Variants in PIAS1 observed in about 807,000 individuals in gnomAD.
The protein encoded by PIAS1 is E3 SUMO-protein ligase PIAS1.
In PIAS1, 6 loss-of-function variants were observed where a neutral mutation model predicts 71.3. That is an observed-to-expected ratio of 0.08 (90% CI 0.05 to 0.17). The LOEUF (loss-of-function observed/expected upper bound fraction) is 0.17. PIAS1 is among the 10% of genes least tolerant of loss of function. The probability of loss-of-function intolerance (pLI) is 1.00; values close to 1 mark genes in which losing one functional copy is unlikely to be tolerated. For missense variants in PIAS1, 555 were observed against 793.6 expected, an observed-to-expected ratio of 0.70 and a Z score of 3.61; for synonymous variants, 303 against 292.9, an observed-to-expected ratio of 1.03 and a Z score of -0.35.
chr15:68,148,575 C>T (rs972874734), intron 6 of PIAS1, among the ~76,000 whole-genome samples: 57 of 151,970 alleles, frequency 3.8e-4, no homozygotes, highest in African/African-American at 1.2e-3. Flanking sequence ...ATTACAGGCA[C>T]CTGCCACTGC....
chr15:68,104,676 C>T (rs2092455065), intron 2 of PIAS1, among the ~76,000 whole-genome samples: 1 of 152,000 alleles, frequency 6.6e-6, no homozygotes, highest in East Asian at 1.9e-4. Context: ...TTCAAAATAG[C>T]CAGAAGAGAA....
At chr15:68,159,869 T>A (rs940789639) in intron 7 of PIAS1, among the ~76,000 whole-genome samples, 1 of 152,304 alleles carries the variant, frequency 6.6e-6, no homozygotes. Context: ...CTGGGTCATA[T>A]GATAAGTATA....
At chr15:68,069,598 C>A (rs553583526) in intron 1 of PIAS1, among the ~76,000 whole-genome samples, 1 of 152,064 alleles carries the variant, frequency 6.6e-6, no homozygotes, top group East Asian at 1.9e-4. Context: ...GTCAGGAGAT[C>A]GAGACCATCC....
At chr15:68,131,044 C>T (rs2092684915) in intron 2 of PIAS1, among the ~76,000 whole-genome samples, 1 of 152,012 alleles carries the variant, frequency 6.6e-6, no homozygotes. Context: ...GACAGTGTGC[C>T]CAAGGTCACA....
chr15:68,098,778 T>C (rs1260835382), intron 2 of PIAS1, among the ~76,000 whole-genome samples: 2 of 152,190 alleles, frequency 1.3e-5, no homozygotes, highest in Non-Finnish European at 2.9e-5. Context: ...TTATTAAATA[T>C]TCCCCTGTTG....
At position 68,188,918 on chromosome 15, in the gene PIAS1, G is replaced by C. The variant is rs1332527607; in HGVS notation, c.*1083G>C. 1 of 152,174 alleles carries C rather than the reference G, an allele frequency of 6.6e-6. No individual in the cohort carries two copies. Among genetic ancestry groups the C allele is most frequent in the Admixed American group, 6.5e-5 (1 of 15,280 alleles). 9.4% of individuals were successfully genotyped at this position (152,174 alleles called of 1,614,324 possible). On this transcript the variant is annotated 3_prime_UTR_variant, in exon 14 of 14. Transcript: ENST00000249636. ...CCTAAAAAAGAAAGATACACGGTCA[G>C]TTATCCTAAAAATAAATTGTTTGGA... is the stretch of plus-strand genomic sequence containing the variant.
chr15:68,187,538 C>A lies in PIAS1; in HGVS notation c.1663-4C>A. On this transcript the variant is annotated splice_region_variant and splice_polypyrimidine_tract_variant and intron_variant, in intron 13 of 13. Transcript: ENST00000249636. The surrounding 1 kb of genome is among the most constrained non-coding windows in gnomAD (Gnocchi z 5.3). ...TTTTTGTGTCTTTTGTTTCCCCTCC[C>A]TAGCATTACAACACCTCCTTGCTTG... The A allele has an allele frequency of 1.2e-6, 2 of 1,611,596 alleles. No homozygotes were observed. Among genetic ancestry groups the A allele is most frequent in the Non-Finnish European group, 1.7e-6 (2 of 1,177,978 alleles).
At chr15:68,122,707 C>T (rs1454176897) in intron 2 of PIAS1, among the ~76,000 whole-genome samples, 1 of 152,112 alleles carries the variant, frequency 6.6e-6, no homozygotes, top group Non-Finnish European at 1.5e-5. Context: ...GATGAGTAGA[C>T]TCTCTTCATA....
intron 5 of PIAS1, 151 bp from the exon 6 acceptor site, chr15:68,146,415 A>G (rs999956823): frequency 5.1e-5 from 32 of 627,466 alleles, no homozygotes; most frequent in Non-Finnish European, 8.3e-5. Flanking sequence ...AAATAATAAC[A>G]CAAGAAACTT....
At chr15:68,098,138 C>G (rs1332279774) in intron 2 of PIAS1, among the ~76,000 whole-genome samples, 1 of 152,164 alleles carries the variant, frequency 6.6e-6, no homozygotes, top group East Asian at 1.9e-4. Flanking sequence ...CTTTGCAACA[C>G]ACACAGTCAA....
intron 2 of PIAS1, among the ~76,000 whole-genome samples, chr15:68,108,182 C>G (rs2092488879): frequency 6.6e-6 from 1 of 152,190 alleles, no homozygotes; most frequent in Non-Finnish European, 1.5e-5. Context: ...GATAAGTTTT[C>G]TGTAGTCACT....
chr15:68,131,790 A>G (rs923201208), intron 2 of PIAS1, among the ~76,000 whole-genome samples: 1 of 152,130 alleles, frequency 6.6e-6, no homozygotes, highest in Non-Finnish European at 1.5e-5. Context: ...CGTACTTGGT[A>G]TTTTGAATAG....
intron 1 of PIAS1, among the ~76,000 whole-genome samples, chr15:68,057,214 A>G (rs962286187): frequency 1.3e-5 from 2 of 152,234 alleles, no homozygotes; most frequent in Non-Finnish European, 2.9e-5. Context: ...TGAGTCATAC[A>G]TATCAAAATG....
chr15:68,082,012 A>C (rs2092234037), intron 1 of PIAS1, among the ~76,000 whole-genome samples: 1 of 152,078 alleles, frequency 6.6e-6, no homozygotes, highest in African/African-American at 2.4e-5. Context: ...ACTATGAAGG[A>C]TTATGGGTCA....
intron 2 of PIAS1, among the ~76,000 whole-genome samples, chr15:68,138,915 A>C (rs2092751803): frequency 6.6e-6 from 1 of 152,208 alleles, no homozygotes; most frequent in African/African-American, 2.4e-5. Flanking sequence ...AAGTCTCTTC[A>C]AATATTTGAA....
chr15:68,085,304 C>G (rs567575448), intron 1 of PIAS1, among the ~76,000 whole-genome samples: 1 of 152,282 alleles, frequency 6.6e-6, no homozygotes, highest in East Asian at 1.9e-4. Flanking sequence ...GTGATTTCTT[C>G]TCTTTGGATT....
At position 68,111,924 on chromosome 15, in the gene PIAS1, C is replaced by T. The variant is rs1296187974; in HGVS notation, c.469+25174C>T. On this transcript the variant is annotated intron_variant, in intron 2 of 13. Coordinates refer to ENST00000249636, the MANE Select transcript of PIAS1 (RefSeq NM_016166.3). ...TCATACAGTATTACCCTAGTCCATA[C>T]ACTCTCCATACACTTTCTTAGGTGA... Among the ~76,000 whole-genome samples, 3 of 152,160 alleles carry T rather than the reference C, an allele frequency of 2.0e-5. No individual in the cohort carries two copies. The East Asian group carries it at 5.8e-4, about 29-fold the overall frequency.
intron 7 of PIAS1, among the ~76,000 whole-genome samples, chr15:68,158,509 C>T (rs1017738032): frequency 6.6e-6 from 1 of 152,106 alleles, no homozygotes; most frequent in Admixed American, 6.5e-5. Context: ...TAGAGATGAT[C>T]TCACTGAACA....
intron 2 of PIAS1, among the ~76,000 whole-genome samples, chr15:68,107,049 C>T (rs532861761): frequency 2.6e-5 from 4 of 152,236 alleles, no homozygotes; most frequent in African/African-American, 9.6e-5. Context: ...AAACACTGAC[C>T]TAGAGAACCA....
Sources: gnomAD v4.1 joint callset for allele counts (sites outside exome capture counted in the v4.1 genomes callset) on GRCh38, gnomAD v4.1.1 for gene constraint, Gnocchi (gnomAD v3.1) non-coding constraint, MANE v1.5 for transcripts, NCBI Gene and HGNC (gene_info 2026-07-23, HGNC 2026-07-21) for gene names.